The following SLC17A1 variants were observed in gnomAD, a reference collection of about 807,000 sequenced individuals.
SLC17A1 encodes the protein sodium-dependent phosphate transport protein 1.
Under a neutral mutation model 53.5 loss-of-function variants are expected in SLC17A1, and 51 were observed. That is an observed-to-expected ratio of 0.95 (90% confidence interval 0.76 to 1.20). SLC17A1 has a LOEUF of 1.20. Ranked by LOEUF, SLC17A1 falls within the 50% of genes most tolerant of loss-of-function variation. The pLI is 0.00. For synonymous variants in SLC17A1, 179 were observed against 198.8 expected (o/e 0.90, Z 0.84); for missense variants, 538 against 568.2 (o/e 0.95, Z 0.54).
At chr6:25,771,662 GTTA>G in the SLC17A1 span, among the ~76,000 whole-genome samples, 4 of 152,086 alleles carry the variant, frequency 2.6e-5, no homozygotes, top group Non-Finnish European at 5.9e-5. Context: ...AATTTCTCCA[GTTA>G]TTATTATGGC....
intron 6 of SLC17A1, 136 bp downstream of exon 6, chr6:25,818,932 A>T: frequency 1.7e-6 from 1 of 600,874 alleles, no homozygotes; most frequent in Admixed American, 3.5e-5. Flanking sequence ...ATGAGTATTG[A>T]CTTCTCTCTT....
intron 10 of SLC17A1, among the ~76,000 whole-genome samples, chr6:25,810,985 A>G (rs1320289229): frequency 6.6e-6 from 1 of 152,166 alleles, no homozygotes; most frequent in Non-Finnish European, 1.5e-5. Flanking sequence ...CATTAAGTGA[A>G]ATAAGTCAGA....
the SLC17A1 span, among the ~76,000 whole-genome samples, chr6:25,763,317 G>C: frequency 6.6e-6 from 1 of 152,058 alleles, no homozygotes; most frequent in Non-Finnish European, 1.5e-5. Context: ...ATCCTGTTTT[G>C]GTAGTCTCAT....
At chr6:25,761,694 C>T in the SLC17A1 span, among the ~76,000 whole-genome samples, 2 of 151,978 alleles carry the variant, frequency 1.3e-5, no homozygotes, top group African/African-American at 2.4e-5. Context: ...GAAGGCAATC[C>T]AGGCCAGATT....
chr6:25,808,342 G>A (rs888566912), intron 10 of SLC17A1, among the ~76,000 whole-genome samples: 6 of 151,888 alleles, frequency 4.0e-5, no homozygotes, highest in African/African-American at 1.5e-4. Flanking sequence ...GAGACTGAGA[G>A]GGGAGAAAAT....
chr6:25,723,943 C>T, the SLC17A1 span, among the ~76,000 whole-genome samples: 1 of 152,104 alleles, frequency 6.6e-6, no homozygotes, highest in Admixed American at 6.6e-5. Context: ...AGGAAAAAAG[C>T]TGGACAACAG....
At chr6:25,775,741 T>C in the SLC17A1 span, among the ~76,000 whole-genome samples, 1 of 152,196 alleles carries the variant, frequency 6.6e-6, no homozygotes, top group Admixed American at 6.5e-5. Flanking sequence ...ATTTCCTATA[T>C]ATATTCTTTC....
the SLC17A1 span, chr6:25,776,719 C>T: frequency 1.2e-6 from 2 of 1,613,986 alleles, no homozygotes; most frequent in East Asian, 4.5e-5. Context: ...AAACTCTTCA[C>T]TGCCATTGGT....
intron 6 of SLC17A1, among the ~76,000 whole-genome samples, chr6:25,815,249 A>T (rs1049816377): frequency 6.9e-6 from 1 of 145,532 alleles, no homozygotes; most frequent in Non-Finnish European, 1.5e-5. Context: ...GGGAGGAATG[A>T]AGGGAGGGAG....
At chr6:25,726,748 A>G in the SLC17A1 span, 2 of 1,114,268 alleles carry the variant, frequency 1.8e-6, no homozygotes, top group Non-Finnish European at 2.6e-6. Context: ...CCGTGCCTAT[A>G]AATACCGCAT....
chr6:25,805,825 T>C (rs1242311501), intron 10 of SLC17A1, among the ~76,000 whole-genome samples: 2 of 151,632 alleles, frequency 1.3e-5, no homozygotes, highest in Admixed American at 6.6e-5. Flanking sequence ...TAGGAAAAAA[T>C]AGAAACCCTG....
intron 2 of SLC17A1, 74 bp downstream of exon 2, chr6:25,830,450 T>C: frequency 5.1e-6 from 6 of 1,171,320 alleles, no homozygotes. Flanking sequence ...ACAAAAATAT[T>C]CTTCCACATG....
At chr6:25,724,394 G>A in the SLC17A1 span, among the ~76,000 whole-genome samples, 1 of 152,228 alleles carries the variant, frequency 6.6e-6, no homozygotes, top group Admixed American at 6.5e-5. Flanking sequence ...CTGCACTCCA[G>A]CCTGGGTGAC....
At position 25,826,777 on chromosome 6, in the gene SLC17A1, TATA is replaced by T. The variant is rs1484249495; in HGVS notation, c.35-147_35-145del. 7.8e-5 allele frequency: 34 copies of T among 437,866 alleles called. No individual in the cohort carries two copies. In the East Asian group the frequency reaches 1.2e-3, roughly 16 times the overall value. The allele number at this position is 437,866 out of a possible 1,614,324, so 27.1% of individuals were successfully genotyped here. ...ACTTAATGACCTTTGATAATTATTA[TATA>T]ATAAGAAGATGTGAGACTGATATAA... On this transcript the variant is annotated intron_variant, in intron 2 of 12. Transcript: ENST00000244527.
chr6:25,732,548 C>G, the SLC17A1 span: 1 of 576,414 alleles, frequency 1.7e-6, no homozygotes, highest in Admixed American at 2.6e-5. Context: ...GCAAGGGCAA[C>G]GATGCCGAGA....
rs535857499 is a variant in SLC17A1, at chr6:25,812,870, T to C, written c.858A>G (p.Pro286=). Residue 286 remains proline (P), a synonymous_variant, in exon 8 of 13, where the codon CCA becomes CCG. Coordinates refer to ENST00000244527, the MANE Select transcript of SLC17A1 (RefSeq NM_005074.5). ...WSHNIMTLYT[P]MFINSMLHVN... ...CATGAAGCATGGAGTTGATAAACAT[T>C]GGAGTGTATAGTGTCATGATGTTAT... 1 of 1,612,658 alleles carries C rather than the reference T, an allele frequency of 6.2e-7. No homozygotes were observed. The highest frequency in any genetic ancestry group is 1.1e-5 in the South Asian group (1 of 90,934).
chr6:25,827,560 C>T (rs1253208963), intron 2 of SLC17A1, among the ~76,000 whole-genome samples: 1 of 152,114 alleles, frequency 6.6e-6, no homozygotes, highest in Non-Finnish European at 1.5e-5. Flanking sequence ...TCTCCAAAAT[C>T]AGCAATGGGA....
At chr6:25,726,567 C>G in the SLC17A1 span, 287 of 1,574,620 alleles carry the variant, frequency 1.8e-4, no homozygotes, top group Non-Finnish European at 2.4e-4. Flanking sequence ...AACCACATTT[C>G]TAGGGCTGCT....
At chr6:25,817,879 G>A (rs1764414716) in intron 6 of SLC17A1, among the ~76,000 whole-genome samples, 1 of 152,122 alleles carries the variant, frequency 6.6e-6, no homozygotes, top group Non-Finnish European at 1.5e-5. Context: ...TCCTGATAAG[G>A]GGCTTACGTT....
Sources: allele counts gnomAD v4.1 joint callset (sites outside exome capture counted in the v4.1 genomes callset), GRCh38; gene constraint gnomAD v4.1.1; transcripts MANE v1.5; gene names NCBI Gene and HGNC (gene_info 2026-07-23, HGNC 2026-07-21).